NT5DC3: variants seen among roughly 807,000 people sequenced by gnomAD.
The protein encoded by NT5DC3 is 5'-nucleotidase domain containing 3.
In NT5DC3, 42 loss-of-function variants were observed where a neutral mutation model predicts 67.8. That is an observed-to-expected ratio of 0.62 (90% CI 0.48 to 0.80). NT5DC3 has a LOEUF of 0.80. NT5DC3 is among the 30% of genes least tolerant of loss of function. NT5DC3 has a pLI of 0.00. For missense variants in NT5DC3, 570 were observed against 696.4 expected (o/e 0.82, Z 2.04); for synonymous variants, 237 against 255.6 (o/e 0.93, Z 0.69).
the NT5DC3 span, chr12:103,750,570 C>T: frequency 6.2e-7 from 1 of 1,613,578 alleles, no homozygotes; most frequent in Admixed American, 1.7e-5. Context: ...TCCCACTCTC[C>T]CTCCACAGGG....
At chr12:103,769,220 C>T (rs369653839), downstream of NT5DC3, among the ~76,000 whole-genome samples, 1 of 152,164 alleles carries the variant, frequency 6.6e-6, no homozygotes, top group East Asian at 1.9e-4. Context: ...CTACTCAGGC[C>T]CACCCAACCA....
the NT5DC3 span, among the ~76,000 whole-genome samples, chr12:103,761,856 T>C: frequency 2.0e-5 from 3 of 152,298 alleles, no homozygotes; most frequent in East Asian, 1.9e-4. Context: ...GTACATGCTA[T>C]ATAAAAGTTG....
chr12:103,770,144 T>C (rs1454204489), downstream of NT5DC3, among the ~76,000 whole-genome samples: 1 of 152,222 alleles, frequency 6.6e-6, no homozygotes, highest in Non-Finnish European at 1.5e-5. Flanking sequence ...TGTAATATTC[T>C]ACACTTCCAT....
chr12:103,786,839 C>T (rs1274012765), intron 11 of NT5DC3, among the ~76,000 whole-genome samples: 9 of 152,062 alleles, frequency 5.9e-5, no homozygotes, highest in African/African-American at 9.7e-5. Context: ...TGTGCTACCA[C>T]GCCCAGATAA....
chr12:103,797,772 C>G (rs1408479537), intron 5 of NT5DC3, among the ~76,000 whole-genome samples: 1 of 152,180 alleles, frequency 6.6e-6, no homozygotes, highest in Admixed American at 6.5e-5. Context: ...GAGCCCTTCT[C>G]TGAATACTTG....
intron 1 of NT5DC3, among the ~76,000 whole-genome samples, chr12:103,817,376 C>T (rs1265738572): frequency 6.6e-6 from 1 of 151,586 alleles, no homozygotes; most frequent in Non-Finnish European, 1.5e-5. Flanking sequence ...TTTTTTTCAC[C>T]TTTTATGATG....
intron 5 of NT5DC3, among the ~76,000 whole-genome samples, chr12:103,797,273 C>T (rs1593401594): frequency 6.6e-6 from 1 of 152,230 alleles, no homozygotes; most frequent in African/African-American, 2.4e-5. Context: ...AGTTCAAGAT[C>T]AGCCTGGACA....
downstream of NT5DC3, among the ~76,000 whole-genome samples, chr12:103,771,483 A>G (rs140359280): frequency 3.1e-3 from 479 of 152,278 alleles, 5 homozygotes; most frequent in East Asian, 8.1e-3. Flanking sequence ...GCTTCAGTGT[A>G]CTGGGCTCTC....
downstream of NT5DC3, chr12:103,766,041 C>A: frequency 1.5e-6 from 1 of 653,562 alleles, no homozygotes; most frequent in Non-Finnish European, 2.8e-6. Context: ...GAAGAAACTG[C>A]AGCCGAGTTG....
At chr12:103,807,051 A>C in intron 2 of NT5DC3, 122 bp from the exon 3 acceptor site, 1 of 639,674 alleles carries the variant, frequency 1.6e-6, no homozygotes, top group South Asian at 1.7e-5. Flanking sequence ...TGGGGTCAGA[A>C]GGGGCAGACC....
At chr12:103,755,473 C>T in the NT5DC3 span, 1,522,548 of 1,613,166 alleles carry the variant, frequency 0.94, 718,808 homozygotes, top group East Asian at 1. Context: ...GAAAGGTAAC[C>T]GCCCCAGCTA....
chr12:103,806,879 A>G lies in NT5DC3; in HGVS notation c.444T>C (p.Arg148=), dbSNP rs1266333571. The change falls in exon 3 of 14, where the codon CGT becomes CGC. Residue 148 remains arginine (R), a synonymous_variant. Transcript: ENST00000392876. The part of the protein sequence containing the change: ...KYEYDPNFAI[R]GLHYDVQRAV... ...CCCGCTGTACATCATAATGAAGTCC[A>G]CGAATTGCAAAATTTGGGTCATACT... 1 of 1,608,276 alleles carries G rather than the reference A, an allele frequency of 6.2e-7. No individual in the cohort carries two copies. Among genetic ancestry groups the G allele is most frequent in the East Asian group, 2.2e-5 (1 of 44,852 alleles).
chr12:103,790,403 G>A (rs571065560), intron 9 of NT5DC3, among the ~76,000 whole-genome samples: 1 of 152,090 alleles, frequency 6.6e-6, no homozygotes, highest in Admixed American at 6.6e-5. Context: ...AGCCTACTGA[G>A]TAGCTGGGAT....
Position 103,801,689 on chromosome 12 carries a change from A to AT in NT5DC3, c.525-3013dup, listed in dbSNP as rs542067363. ...AGCCACAGTGCCCAGACAGGCTGGCATTTTTTTTAAATGTATTTAACACAT... is the reference window on the plus strand; with the variant it reads ...AGCCACAGTGCCCAGACAGGCTGGCATTTTTTTTTAAATGTATTTAACACAT... On this transcript the variant is annotated intron_variant, in intron 4 of 13. Coordinates refer to ENST00000392876, the MANE Select transcript of NT5DC3 (RefSeq NM_001031701.3). 8.9e-4 allele frequency among the ~76,000 whole-genome samples: 135 copies of AT among 151,900 alleles called. 1 individual carries two copies. The highest frequency in any genetic ancestry group is 3.0e-3 in the African/African-American group (125 of 41,436).
intron 2 of NT5DC3, among the ~76,000 whole-genome samples, chr12:103,809,854 A>G (rs1232810120): frequency 6.6e-6 from 1 of 152,204 alleles, no homozygotes; most frequent in Non-Finnish European, 1.5e-5. Flanking sequence ...GGACGATGTC[A>G]TAATGAAGAA....
chr12:103,815,358 C>T (rs1001750376), intron 1 of NT5DC3, among the ~76,000 whole-genome samples: 3 of 152,158 alleles, frequency 2.0e-5, no homozygotes, highest in Non-Finnish European at 2.9e-5. Context: ...CCTAGGACCG[C>T]TCACTGCTAA....
the NT5DC3 span, among the ~76,000 whole-genome samples, chr12:103,751,002 G>A: frequency 3.9e-5 from 6 of 152,344 alleles, no homozygotes; most frequent in African/African-American, 1.2e-4. Context: ...TGAGGAAAGC[G>A]AAAAGCCACA....
At chr12:103,827,994 G>T (rs1887765745) in intron 1 of NT5DC3, among the ~76,000 whole-genome samples, 1 of 152,202 alleles carries the variant, frequency 6.6e-6, no homozygotes, top group East Asian at 1.9e-4. Context: ...CACCAAGGAA[G>T]AGCCAGTTGC....
chr12:103,748,388 G>T, the NT5DC3 span, among the ~76,000 whole-genome samples: 2 of 152,128 alleles, frequency 1.3e-5, no homozygotes, highest in Admixed American at 6.5e-5. Context: ...AAAAACAAAG[G>T]TTCTAAGAGG....
Sources: gnomAD v4.1 joint callset for allele counts (sites outside exome capture counted in the v4.1 genomes callset) on GRCh38, gnomAD v4.1.1 for gene constraint, MANE v1.5 for transcripts, NCBI Gene and HGNC (gene_info 2026-07-23, HGNC 2026-07-21) for gene names.